Variants in MTUS1 observed in about 807,000 individuals in gnomAD.
MTUS1 encodes microtubule-associated tumor suppressor 1.
Under a neutral mutation model 120.8 loss-of-function variants are expected in MTUS1, and 109 were observed. The observed-to-expected ratio is 0.90, with a 90% confidence interval of 0.77 to 1.06. The LOEUF (loss-of-function observed/expected upper bound fraction) is 1.06, where lower values mean the gene tolerates loss of function less well. MTUS1 is among the 50% of genes least tolerant of loss of function. MTUS1 has a pLI of 0.00. For missense variants in MTUS1, 2,210 were observed against 1,486.3 expected (o/e 1.49, Z -8.01); for synonymous variants, 737 against 550.5 (o/e 1.34, Z -4.74).
intron 8 of MTUS1, among the ~76,000 whole-genome samples, chr8:17,669,568 A>G (rs1158280830): frequency 1.3e-5 from 2 of 152,178 alleles, no homozygotes; most frequent in Non-Finnish European, 2.9e-5. Context: ...AGTACAGGCC[A>G]GGAGTGGTGG....
At chr8:17,719,601 C>G (rs1245821807) in intron 4 of MTUS1, among the ~76,000 whole-genome samples, 7 of 152,120 alleles carry the variant, frequency 4.6e-5, no homozygotes, top group African/African-American at 1.7e-4. Flanking sequence ...ACCGCCTGTT[C>G]CTCATCTTAG....
chr8:17,743,452 T>A (rs1294423274), intron 3 of MTUS1, 152 bp downstream of exon 3: 1 of 697,304 alleles, frequency 1.4e-6, no homozygotes, highest in Non-Finnish European at 2.3e-6. Context: ...AAGGGATATA[T>A]GTTGTCATCT....
intron 1 of MTUS1, among the ~76,000 whole-genome samples, chr8:17,775,432 T>A (rs1444627265): frequency 2.0e-5 from 3 of 152,058 alleles, no homozygotes; most frequent in South Asian, 2.1e-4. Context: ...AGACCTCAAA[T>A]GCTAAATCCT....
At chr8:17,797,070 C>A (rs142036511) in intron 1 of MTUS1, among the ~76,000 whole-genome samples, 66 of 151,914 alleles carry the variant, frequency 4.3e-4, no homozygotes, top group Admixed American at 4.1e-3. Context: ...TGAGATCGCA[C>A]GCACCACTGC....
In MTUS1 at chr8:17,754,062, G is replaced by A. The variant is rs745769011; in HGVS notation, c.1746C>T (p.Leu582=). Reference sequence around the variant, plus strand: ...TAACATGCACAGCCTGGCTAGTAATGAGTTTATTAAACTGCTGCTTATGTG... The same window carrying A: ...TAACATGCACAGCCTGGCTAGTAATAAGTTTATTAAACTGCTGCTTATGTG... ...NKTHKQQFNK[L]ITSQAVHVTT... Residue 582 remains leucine, a synonymous_variant, in exon 2 of 15, where the codon CTC becomes CTT. Coordinates refer to ENST00000693296, the MANE Select transcript of MTUS1 (RefSeq NM_001363059.2). 5 of 1,614,022 alleles carry A rather than the reference G, an allele frequency of 3.1e-6. No homozygotes were observed. In the South Asian group the frequency reaches 5.5e-5, roughly 18 times the overall value.
At chr8:17,673,478 G>C (rs1812440053) in intron 8 of MTUS1, among the ~76,000 whole-genome samples, 2 of 152,162 alleles carry the variant, frequency 1.3e-5, no homozygotes, top group African/African-American at 4.8e-5. Flanking sequence ...CTTTTACAGA[G>C]TCTTGCTCTG....
chr8:17,712,693 C>T (rs576088132), intron 6 of MTUS1, among the ~76,000 whole-genome samples: 1 of 151,970 alleles, frequency 6.6e-6, no homozygotes, highest in South Asian at 2.1e-4. Flanking sequence ...GTATAGGAAT[C>T]GCAGTGAAGA....
intron 3 of MTUS1, chr8:17,724,105 T>G (rs1461086160): frequency 1.8e-6 from 1 of 547,486 alleles, no homozygotes; most frequent in Non-Finnish European, 3.4e-6. Flanking sequence ...AACTCACACA[T>G]GTTCTCTGAA....
At chr8:17,798,208 T>A (rs760408493) in intron 1 of MTUS1, among the ~76,000 whole-genome samples, 1 of 152,212 alleles carries the variant, frequency 6.6e-6, no homozygotes, top group Non-Finnish European at 1.5e-5. Flanking sequence ...AAGGATGTTG[T>A]TCCTAATAGT....
At chr8:17,678,764 A>G (rs1813639163) in intron 7 of MTUS1, among the ~76,000 whole-genome samples, 1 of 150,456 alleles carries the variant, frequency 6.6e-6, no homozygotes, top group African/African-American at 2.4e-5. Context: ...AAAAAAAAAA[A>G]GATGTGGAGG....
chr8:17,763,887 A>G (rs1278045816), intron 1 of MTUS1, among the ~76,000 whole-genome samples: 1 of 152,184 alleles, frequency 6.6e-6, no homozygotes, highest in Non-Finnish European at 1.5e-5. Flanking sequence ...ATAATCCTTC[A>G]TGTTCTTATG....
chr8:17,759,961 C>A (rs958717315), intron 1 of MTUS1, among the ~76,000 whole-genome samples: 4 of 151,564 alleles, frequency 2.6e-5, no homozygotes, highest in African/African-American at 9.7e-5. Context: ...GTAATCTCAG[C>A]ACTTTGGGAG....
chr8:17,753,579 C>A, intron 2 of MTUS1, 138 bp downstream of exon 2: 1 of 610,480 alleles, frequency 1.6e-6, no homozygotes. Context: ...ACTGACAAGA[C>A]AATGAATTAA....
intron 6 of MTUS1, chr8:17,697,387 G>T: frequency 1.2e-6 from 2 of 1,613,550 alleles, no homozygotes; most frequent in Non-Finnish European, 1.7e-6. Flanking sequence ...TGTCTTCGGA[G>T]CAGGTGGCGA....
chr8:17,733,840 G>T (rs1272655139), intron 3 of MTUS1, among the ~76,000 whole-genome samples: 1 of 152,084 alleles, frequency 6.6e-6, no homozygotes, highest in Non-Finnish European at 1.5e-5. Flanking sequence ...TCTCAGTCAA[G>T]TCCTGAAAAA....
chr8:17,743,497 C>T (rs2047496416), intron 3 of MTUS1, 107 bp downstream of exon 3: 1 of 1,073,494 alleles, frequency 9.3e-7, no homozygotes, highest in Non-Finnish European at 1.3e-6. Context: ...GATGCTGATC[C>T]ACAAAAGGCT....
chr8:17,740,897 C>A (rs577362519), intron 3 of MTUS1, among the ~76,000 whole-genome samples: 9 of 152,254 alleles, frequency 5.9e-5, no homozygotes, highest in African/African-American at 1.7e-4. Context: ...GAGAGTTTCG[C>A]TCTTGCTACC....
intron 1 of MTUS1, among the ~76,000 whole-genome samples, chr8:17,777,240 C>T (rs1481311052): frequency 6.6e-6 from 1 of 152,034 alleles, no homozygotes; most frequent in African/African-American, 2.4e-5. Context: ...AGTTCGAGAC[C>T]AGCCTGGCCA....
At chr8:17,731,444 C>G (rs2046573230) in intron 3 of MTUS1, among the ~76,000 whole-genome samples, 1 of 152,094 alleles carries the variant, frequency 6.6e-6, no homozygotes, top group Non-Finnish European at 1.5e-5. Context: ...GCATCTGGCA[C>G]AAAGTACCAT....
Sources: allele counts gnomAD v4.1 joint callset (sites outside exome capture counted in the v4.1 genomes callset), GRCh38; gene constraint gnomAD v4.1.1; transcripts MANE v1.5; gene names NCBI Gene and HGNC (gene_info 2026-07-23, HGNC 2026-07-21).